The following ITPR1 variants were observed in gnomAD, a reference collection of about 807,000 sequenced individuals.
ITPR1 encodes inositol 1,4,5-trisphosphate receptor type 1, also known as inositol 1,4,5-trisphosphate-gated calcium channel ITPR1.
Under a neutral mutation model 318.4 loss-of-function variants are expected in ITPR1, and 96 were observed. The observed-to-expected ratio is 0.30, with a 90% CI of 0.26 to 0.36. The LOEUF is 0.36. Among genes scored for constraint, ITPR1 ranks in the 10% least tolerant of loss-of-function variants. ITPR1 has a pLI of 1.00. For synonymous variants in ITPR1, 1,312 were observed against 1,289.9 expected, an observed-to-expected ratio of 1.02 and a Z score of -0.37; for missense variants, 2,440 against 3,460.2, an observed-to-expected ratio of 0.71 and a Z score of 7.40.
chr3:4,810,506 G>A (rs1167487126), intron 55 of ITPR1, among the ~76,000 whole-genome samples: 1 of 152,168 alleles, frequency 6.6e-6, no homozygotes, highest in African/African-American at 2.4e-5. Context: ...TGACCTGCAG[G>A]GGTCTTACCC....
intron 23 of ITPR1, among the ~76,000 whole-genome samples, 193 bp downstream of exon 23, chr3:4,675,441 A>G (rs1197146459): frequency 6.6e-6 from 1 of 152,234 alleles, no homozygotes; most frequent in East Asian, 1.9e-4. Flanking sequence ...CGTACCCATG[A>G]CTTTGAGTCA....
chr3:4,601,509 A>T (rs1402783840), intron 4 of ITPR1, among the ~76,000 whole-genome samples: 2 of 152,082 alleles, frequency 1.3e-5, no homozygotes, highest in Non-Finnish European at 2.9e-5. Flanking sequence ...CAAAAAAAAA[A>T]AAAAAAGTGT....
At chr3:4,580,983 C>A (rs1470281173) in intron 4 of ITPR1, among the ~76,000 whole-genome samples, 1 of 152,166 alleles carries the variant, frequency 6.6e-6, no homozygotes, top group Non-Finnish European at 1.5e-5. Context: ...ACCTCTCTAC[C>A]TCTGAACTCC....
chr3:4,660,993 C>G lies in ITPR1; in HGVS notation c.1157C>G (p.Ser386Cys). Residue 386 changes from serine to cysteine, a missense_variant, in exon 14 of 62, where the codon TCT becomes TGT. Coordinates refer to ENST00000649015, the MANE Select transcript of ITPR1 (RefSeq NM_001378452.1). ...RGGDSLVPRN[S>C]YVRLRHLCTN... is the part of the protein sequence containing the mutation. ...CCTCCTTTTTTCCCTGTTAGGAACT[C>G]TTATGTTCGGCTCAGACACCTATGT... The G allele has an allele frequency of 6.4e-7, 1 of 1,573,702 alleles. No homozygotes were observed. Among genetic ancestry groups the G allele is most frequent in the Non-Finnish European group, 8.7e-7 (1 of 1,148,002 alleles).
chr3:4,634,412 A>G (rs989280291), intron 5 of ITPR1, among the ~76,000 whole-genome samples: 1 of 151,970 alleles, frequency 6.6e-6, no homozygotes, highest in Non-Finnish European at 1.5e-5. Context: ...GGGTTTTGCC[A>G]CATTGCCCAG....
chr3:4,731,840 C>T (rs2042949086), intron 42 of ITPR1, among the ~76,000 whole-genome samples: 1 of 152,172 alleles, frequency 6.6e-6, no homozygotes, highest in African/African-American at 2.4e-5. Flanking sequence ...ATCTCCAGAC[C>T]TATTCTCAGA....
intron 26 of ITPR1, among the ~76,000 whole-genome samples, chr3:4,682,532 TA>T (rs1315221795): frequency 6.6e-6 from 1 of 152,216 alleles, no homozygotes; most frequent in Admixed American, 6.5e-5. Context: ...ATGCTTAATA[TA>T]AAACCTGTGA....
At chr3:4,844,529 T>G (rs1407099588) in intron 61 of ITPR1, among the ~76,000 whole-genome samples, 1 of 152,222 alleles carries the variant, frequency 6.6e-6, no homozygotes, top group Non-Finnish European at 1.5e-5. Context: ...GGAAGGGTTG[T>G]GGGAGAAAAA....
intron 60 of ITPR1, chr3:4,825,900 T>A (rs1362962102): frequency 2.5e-6 from 1 of 404,622 alleles, no homozygotes; most frequent in African/African-American, 2.1e-5. Context: ...GGACCTAGGT[T>A]TGGGGGAAAA....
chr3:4,567,593 G>T (rs59060606), intron 4 of ITPR1, among the ~76,000 whole-genome samples: 1 of 138,202 alleles, frequency 7.2e-6, no homozygotes, highest in African/African-American at 2.6e-5. Flanking sequence ...GGGAGGTGAC[G>T]CTTGAGCTAG....
intron 4 of ITPR1, among the ~76,000 whole-genome samples, chr3:4,598,246 A>G (rs1298185409): frequency 6.6e-6 from 1 of 152,182 alleles, no homozygotes; most frequent in Admixed American, 6.5e-5. Flanking sequence ...AATCTCTTTA[A>G]CCAGGATGTG....
intron 4 of ITPR1, among the ~76,000 whole-genome samples, chr3:4,583,666 G>A (rs1005340154): frequency 1.3e-5 from 2 of 152,164 alleles, no homozygotes; most frequent in Admixed American, 1.3e-4. Context: ...TGGTAAAGCT[G>A]CGGGGTTCGT....
intron 4 of ITPR1, among the ~76,000 whole-genome samples, chr3:4,586,130 G>GT (rs2089875905): frequency 6.6e-6 from 1 of 152,192 alleles, no homozygotes; most frequent in Non-Finnish European, 1.5e-5. Context: ...GTATTCCATG[G>GT]TGTATATGTG....
At chr3:4,655,604 G>A (rs1439134745) in intron 12 of ITPR1, among the ~76,000 whole-genome samples, 1 of 152,176 alleles carries the variant, frequency 6.6e-6, no homozygotes, top group Non-Finnish European at 1.5e-5. Flanking sequence ...AGGAGTTAGG[G>A]TGGGTTTTAG....
intron 30 of ITPR1, among the ~76,000 whole-genome samples, chr3:4,687,278 G>A (rs964003941): frequency 6.6e-6 from 1 of 152,220 alleles, no homozygotes; most frequent in Admixed American, 6.5e-5. Context: ...GCTGACCTCA[G>A]TCTAGCCCGG....
At chr3:4,692,902 T>C (rs1201696328) in intron 32 of ITPR1, among the ~76,000 whole-genome samples, 1 of 152,064 alleles carries the variant, frequency 6.6e-6, no homozygotes, top group Non-Finnish European at 1.5e-5. Context: ...GGGTGGATCA[T>C]CTGAGGTTGA....
chr3:4,744,438 C>G (rs2043931787), intron 44 of ITPR1, among the ~76,000 whole-genome samples: 1 of 152,252 alleles, frequency 6.6e-6, no homozygotes, highest in South Asian at 2.1e-4. Context: ...TCTGGAGGTT[C>G]AGGGATTAGT....
At chr3:4,686,925 C>T (rs2094404787) in intron 30 of ITPR1, among the ~76,000 whole-genome samples, 1 of 152,244 alleles carries the variant, frequency 6.6e-6, no homozygotes, top group African/African-American at 2.4e-5. Flanking sequence ...TTCACCACCC[C>T]TCCTGTTAAT....
At chr3:4,711,916 G>C in intron 39 of ITPR1, 48 bp downstream of exon 39, 1 of 986,078 alleles carries the variant, frequency 1.0e-6, no homozygotes, top group Non-Finnish European at 1.5e-6. Context: ...CTATGAAACT[G>C]AAGGGAGGGA....
Sources: allele counts gnomAD v4.1 joint callset (sites outside exome capture counted in the v4.1 genomes callset), GRCh38; gene constraint gnomAD v4.1.1; transcripts MANE v1.5; gene names NCBI Gene and HGNC (gene_info 2026-07-23, HGNC 2026-07-21).